The following IL17RC variants were observed in gnomAD, a reference collection of about 807,000 sequenced individuals.
IL17RC encodes interleukin 17 receptor C.
IL17RC carries 53 observed loss-of-function variants against 86.7 expected under a neutral mutation model. The ratio of observed to expected loss-of-function variants is 0.61; its 90% confidence interval spans 0.49 to 0.77. The LOEUF is 0.77. IL17RC is among the 30% of genes least tolerant of loss of function. The pLI is 0.00. For missense variants in IL17RC, 957 were observed against 940.0 expected (o/e 1.02, Z -0.24); for synonymous variants, 439 against 413.1 (o/e 1.06, Z -0.76).
At chr3:9,920,655 C>A in intron 6 of IL17RC, 53 bp downstream of exon 6, 2 of 1,213,930 alleles carry the variant, frequency 1.6e-6, no homozygotes, top group Non-Finnish European at 2.4e-6. Context: ...TCTGGCCATT[C>A]CCCCTCCTGA....
chr3:9,924,161 G>A (rs2083847459), intron 8 of IL17RC, 71 bp from the exon 9 acceptor site: 2 of 1,609,016 alleles, frequency 1.2e-6, no homozygotes, highest in African/African-American at 1.3e-5. Context: ...TGCCTTCCTG[G>A]TTTCCTTGAC....
At chr3:9,927,403 C>CA (rs2084184575) in intron 9 of IL17RC, among the ~76,000 whole-genome samples, 3 of 151,296 alleles carry the variant, frequency 2.0e-5, no homozygotes, top group Non-Finnish European at 4.4e-5. Context: ...ACTAAAAGTA[C>CA]AAAAATTAGC....
rs2084299796 is a variant in IL17RC at position 9,928,305 on chromosome 3, A to T, written c.878A>T (p.Asp293Val). The T allele has an allele frequency of 1.2e-6, 2 of 1,604,612 alleles. No individual in the cohort carries two copies. The highest frequency in any genetic ancestry group is 2.2e-5 in the South Asian group (2 of 90,504). Residue 293 changes from aspartate to valine, a missense_variant and splice_region_variant, in exon 11 of 19, where the codon GAC (aspartate) becomes GTC (valine). Coordinates refer to ENST00000403601, the MANE Select transcript of IL17RC (RefSeq NM_153460.4). Reference protein sequence around the residue: ...VRTNICPFREDPRAHQNLWQA... With the variant: ...VRTNICPFREVPRAHQNLWQA... ...CGGTGACTGTGCCCTTTCCTTGCAG[A>T]CCCCCGCGCACACCAGAACCTCTGG...
At chr3:9,932,350 C>T (rs907618916) in intron 16 of IL17RC, among the ~76,000 whole-genome samples, 5 of 152,146 alleles carry the variant, frequency 3.3e-5, no homozygotes, top group Non-Finnish European at 7.3e-5. Flanking sequence ...CCTCAGCCTC[C>T]CGAGTAGCTG....
chr3:9,918,481 C>T lies in IL17RC; in HGVS notation c.356-19C>T, dbSNP rs755736537. 5.6e-6 allele frequency: 9 copies of T among 1,611,964 alleles called. No individual in the cohort carries two copies. Among genetic ancestry groups the T allele is most frequent in the South Asian group, 3.3e-5 (3 of 91,030 alleles). ...CTGCCGCTCCTGGGCCTGACTGACC[C>T]CTGCCCTGTTGCCCACAGCCTCTCT... On this transcript the variant is annotated intron_variant, in intron 4 of 18. Transcript: ENST00000403601.
chr3:9,921,039 C>G, intron 7 of IL17RC, 70 bp downstream of exon 7: 6 of 960,262 alleles, frequency 6.2e-6, no homozygotes, highest in Non-Finnish European at 9.4e-6. Context: ...CCCTTGGAGT[C>G]CACTTCAGAT....
At chr3:9,932,750 G>A (rs765710291) in intron 17 of IL17RC, 47 bp downstream of exon 17, 2 of 1,606,522 alleles carry the variant, frequency 1.2e-6, no homozygotes, top group Non-Finnish European at 1.7e-6. Context: ...GACCAGAGTG[G>A]CTGTGGGAGT....
At chr3:9,925,363 G>A (rs2083965059) in intron 9 of IL17RC, among the ~76,000 whole-genome samples, 2 of 151,714 alleles carry the variant, frequency 1.3e-5, no homozygotes, top group Admixed American at 1.3e-4. Flanking sequence ...TGATCCACAA[G>A]CCTCGTCCTC....
chr3:9,918,166 G>C, intron 3 of IL17RC, 91 bp downstream of exon 3: 1 of 1,425,616 alleles, frequency 7.0e-7, no homozygotes. Flanking sequence ...GCAGTGCTAG[G>C]CATCCTCAGT....
chr3:9,921,028 A>T (rs1313482642), intron 7 of IL17RC, 59 bp downstream of exon 7: 1 of 1,134,488 alleles, frequency 8.8e-7, no homozygotes, highest in African/African-American at 1.6e-5. Flanking sequence ...AGTATAAGAA[A>T]CCCTTGGAGT....
At position 9,920,862 on chromosome 3, in the gene IL17RC, T is replaced by C; in HGVS notation, c.578-63T>C. On this transcript the variant is annotated intron_variant, in intron 6 of 18. Transcript: ENST00000403601. ...TCCTAATGCCCCCCTGGGAGCCAAA[T>C]TGCCCCCACTTCTTTCCTTGGCCCC... 3.3e-6 allele frequency: 5 copies of C among 1,511,630 alleles called. No individual in the cohort carries two copies. The South Asian group carries it at 6.0e-5, about 18-fold the overall frequency. The allele number at this position is 1,511,630 out of a possible 1,614,324, so 93.6% of individuals were successfully genotyped here.
intron 9 of IL17RC, among the ~76,000 whole-genome samples, chr3:9,927,560 A>C (rs1449566713): frequency 6.6e-6 from 1 of 151,946 alleles, no homozygotes; most frequent in Non-Finnish European, 1.5e-5. Context: ...TCCATCTCAA[A>C]AAATAAAAAA....
rs60694738 is a variant in IL17RC, at chr3:9,917,265, G to C, written c.-51G>C. ...CTGACTGGGGTGTCTGCCCCCCTTG[G>C]GGGGGGGCAGCACAGGGCCTCAGGC... is the stretch of plus-strand genomic sequence containing the variant. On this transcript the variant is annotated 5_prime_UTR_variant, in exon 1 of 19. Transcript: ENST00000403601. The C allele has an allele frequency of 1.4e-6, 2 of 1,457,636 alleles. No homozygotes were observed. The highest frequency in any genetic ancestry group is 1.4e-5 in the African/African-American group (1 of 69,918). 90.3% of individuals were successfully genotyped at this position (1,457,636 alleles called of 1,614,324 possible).
chr3:9,933,274 G>C lies in IL17RC; in HGVS notation c.1844G>C (p.Cys615Ser), dbSNP rs2084966900. Residue 615 changes from cysteine to serine, a missense_variant, in exon 19 of 19, where the codon TGC (cysteine) becomes TCC (serine). Transcript: ENST00000403601. ...PHDAFRASLS[C>S]VLPDFLQGRA... ...GACGCCTTCCGCGCCTCGCTCAGCTGCGTGCTGCCCGACTTCTTGCAGGGC... is the reference window on the plus strand; with the variant it reads ...GACGCCTTCCGCGCCTCGCTCAGCTCCGTGCTGCCCGACTTCTTGCAGGGC... 6.2e-7 allele frequency: 1 copy of C among 1,604,486 alleles called. No individual in the cohort carries two copies. Among genetic ancestry groups the C allele is most frequent in the African/African-American group, 1.3e-5 (1 of 74,678 alleles).
In IL17RC at chr3:9,933,521, T is replaced by C. The variant is rs1575622488; in HGVS notation, c.2091T>C (p.His697=). The C allele has an allele frequency of 1.9e-6, 3 of 1,608,276 alleles. No individual in the cohort carries two copies. Among genetic ancestry groups the C allele is most frequent in the South Asian group, 1.1e-5 (1 of 90,348 alleles). ...AGCCAGCCCTGGATAGCTACTTCCATCCCCCGGGGACTCCCGCGCCGGGAC... is the reference window on the plus strand; with the variant it reads ...AGCCAGCCCTGGATAGCTACTTCCACCCCCCGGGGACTCCCGCGCCGGGAC... ...ALQPALDSYF[H]PPGTPAPGRG... Residue 697 remains histidine (H), a synonymous_variant, in exon 19 of 19, where the codon CAT becomes CAC. Coordinates refer to ENST00000403601, the MANE Select transcript of IL17RC (RefSeq NM_153460.4).
At position 9,921,074 on chromosome 3, in the gene IL17RC, C is replaced by T. The variant is rs1465715204; in HGVS notation, c.622+105C>T. On this transcript the variant is annotated intron_variant, in intron 7 of 18. Transcript: ENST00000403601. ...TATGGGCTACCACATCTCAGAAGCT[C>T]ACAGAACATATTCATTCATTCATTC... is the stretch of plus-strand genomic sequence containing the variant. 6.2e-6 allele frequency: 4 copies of T among 646,188 alleles called. No individual in the cohort carries two copies. The African/African-American group carries it at 7.8e-5, about 13-fold the overall frequency. 40.0% of individuals were successfully genotyped at this position (646,188 alleles called of 1,614,324 possible).
chr3:9,917,184 C>G lies in IL17RC; in HGVS notation c.-132C>G. The G allele has an allele frequency of 1.5e-6, 1 of 675,670 alleles. No individual in the cohort carries two copies. Among genetic ancestry groups the G allele is most frequent in the South Asian group, 1.9e-5 (1 of 52,492 alleles). 41.9% of individuals were successfully genotyped at this position (675,670 alleles called of 1,614,324 possible). A position where few individuals can be genotyped will look rare whatever the true frequency, so the allele number is the denominator to read the frequency against. ...CACAAACTACCCAGCACAGCCCCCT[C>G]CGCCCCCTCTGGAGGCTGAAGAGGG... is the stretch of plus-strand genomic sequence containing the variant. On this transcript the variant is annotated 5_prime_UTR_variant, in exon 1 of 19. Transcript: ENST00000403601.
At chr3:9,920,383 T>C in intron 5 of IL17RC, 108 bp from the exon 6 acceptor site, 1 of 683,708 alleles carries the variant, frequency 1.5e-6, no homozygotes, top group Admixed American at 2.2e-5. Context: ...CAGTCATTAG[T>C]TGGGGGAGGA....
chr3:9,917,230 C>A lies in IL17RC; in HGVS notation c.-86C>A. The A allele has an allele frequency of 9.2e-7, 1 of 1,091,452 alleles. No homozygotes were observed. The highest frequency in any genetic ancestry group is 2.5e-5 in the East Asian group (1 of 39,740). 67.6% of individuals were successfully genotyped at this position (1,091,452 alleles called of 1,614,324 possible). On this transcript the variant is annotated 5_prime_UTR_variant, in exon 1 of 19. Coordinates refer to ENST00000403601, the MANE Select transcript of IL17RC (RefSeq NM_153460.4). ...GAGGGATTCCAGCCCCTGCCACCCA[C>A]AGACACGGGCTGACTGGGGTGTCTG...
Sources: gnomAD v4.1 joint callset for allele counts (sites outside exome capture counted in the v4.1 genomes callset) on GRCh38, gnomAD v4.1.1 for gene constraint, MANE v1.5 for transcripts, NCBI Gene and HGNC (gene_info 2026-07-23, HGNC 2026-07-21) for gene names.